The following GIGYF2 variants were observed in gnomAD, a reference collection of about 807,000 sequenced individuals.
GIGYF2 encodes GRB10 interacting GYF protein 2.
A neutral mutation model predicts 208.1 loss-of-function variants in GIGYF2; 25 were observed. The observed-to-expected ratio is 0.12, with a 90% CI of 0.09 to 0.17. GIGYF2 has a LOEUF of 0.17. GIGYF2 is among the 10% of genes least tolerant of loss of function. The pLI is 1.00. For missense variants in GIGYF2, 1,302 were observed against 1,579.4 expected, an observed-to-expected ratio of 0.82 and a Z score of 2.98; for synonymous variants, 534 against 543.8, an observed-to-expected ratio of 0.98 and a Z score of 0.25.
chr2:232,812,152 T>C (rs1389340262), intron 17 of GIGYF2, among the ~76,000 whole-genome samples: 2 of 152,226 alleles, frequency 1.3e-5, no homozygotes, highest in African/African-American at 2.4e-5. Flanking sequence ...ACAGTGGGTA[T>C]ATCCATCATT....
chr2:232,720,564 AATAT>A (rs61010365), intron 2 of GIGYF2, among the ~76,000 whole-genome samples: 1 of 114,966 alleles, frequency 8.7e-6, no homozygotes, highest in Non-Finnish European at 2.0e-5. Flanking sequence ...CCAACAGTGT[AATAT>A]ATATATATAT....
intron 8 of GIGYF2, among the ~76,000 whole-genome samples, chr2:232,783,767 A>G (rs553151602): frequency 6.6e-6 from 1 of 152,168 alleles, no homozygotes; most frequent in South Asian, 2.1e-4. Flanking sequence ...GCTCACCGCA[A>G]CCTCTGCCAC....
intron 1 of GIGYF2, among the ~76,000 whole-genome samples, chr2:232,699,116 GTTAATT>G (rs1695734624): frequency 6.6e-5 from 10 of 152,162 alleles, no homozygotes; most frequent in Admixed American, 6.5e-4. Flanking sequence ...TTGGGGAGGG[GTTAATT>G]TTAAGTGCCC....
intron 22 of GIGYF2, among the ~76,000 whole-genome samples, chr2:232,838,825 C>G (rs1701728501): frequency 6.6e-6 from 1 of 152,088 alleles, no homozygotes; most frequent in Non-Finnish European, 1.5e-5. Flanking sequence ...CTCCCCCACC[C>G]CAGGGCAGGT....
intron 16 of GIGYF2, 74 bp downstream of exon 16, chr2:232,809,885 A>C: frequency 2.3e-6 from 2 of 887,564 alleles, no homozygotes; most frequent in Non-Finnish European, 3.9e-6. Context: ...CTCAAGTCTC[A>C]CCTTTTACAG....
intron 8 of GIGYF2, among the ~76,000 whole-genome samples, chr2:232,784,086 A>G (rs571483154): frequency 6.6e-6 from 1 of 152,360 alleles, no homozygotes; most frequent in South Asian, 2.1e-4. Context: ...GAAATTCAGC[A>G]TCCCTGAAAT....
At chr2:232,827,481 A>G (rs116498689) in intron 21 of GIGYF2, among the ~76,000 whole-genome samples, 1,872 of 152,282 alleles carry the variant, frequency 0.012, 44 homozygotes, top group African/African-American at 0.042. Flanking sequence ...GGGTTGTTTT[A>G]TCAGTGTTTG....
intron 3 of GIGYF2, chr2:232,735,521 A>G (rs1688483590): frequency 2.9e-6 from 1 of 343,828 alleles, no homozygotes; most frequent in Non-Finnish European, 4.9e-6. Flanking sequence ...GTCGTTGTCT[A>G]GGTGCACATA....
intron 28 of GIGYF2, among the ~76,000 whole-genome samples, chr2:232,853,427 C>T (rs1690434470): frequency 1.3e-5 from 2 of 152,232 alleles, no homozygotes; most frequent in South Asian, 4.1e-4. Context: ...CAGGTGCGTG[C>T]CACCACGCCA....
In GIGYF2 at chr2:232,796,163, A is replaced by G. The variant is rs1174963389; in HGVS notation, c.1581A>G (p.Pro527=). ...QEHRAKGVSI[P]LMHEAMQKWY... ...ACAGAGCTAAAGGAGTGTCGATTCCATTGATGCATGAAGCAATGCAGAAGT... is the reference window on the plus strand; with the variant it reads ...ACAGAGCTAAAGGAGTGTCGATTCCGTTGATGCATGAAGCAATGCAGAAGT... The change falls in exon 14 of 29, where the codon CCA becomes CCG. Residue 527 remains proline, a synonymous_variant. Coordinates refer to ENST00000373563, the MANE Select transcript of GIGYF2 (RefSeq NM_001103146.3). The G allele has an allele frequency of 6.2e-7, 1 of 1,602,314 alleles. No homozygotes were observed. The highest frequency in any genetic ancestry group is 1.1e-5 in the South Asian group (1 of 90,880).
intron 8 of GIGYF2, chr2:232,764,347 T>C (rs1698863335): frequency 6.6e-6 from 1 of 152,274 alleles, no homozygotes; most frequent in South Asian, 2.1e-4. Context: ...TAAAGTGTCC[T>C]CAGTGAGTCA....
In GIGYF2 at chr2:232,845,818, C is replaced by T. The variant is rs773011114; in HGVS notation, c.3392C>T (p.Ala1131Val). 5 of 1,613,308 alleles carry T rather than the reference C, an allele frequency of 3.1e-6. No homozygotes were observed. Among genetic ancestry groups the T allele is most frequent in the Non-Finnish European group, 2.5e-6 (3 of 1,179,378 alleles). ...LLKLFQGVNK[A>V]QDGFTQWCEQ... ...AAGCTCTTTCAGGGAGTAAATAAAG[C>T]CCAAGATGGATTTACGCAGTGGTGT... is the stretch of plus-strand genomic sequence containing the variant. The change falls in exon 26 of 29, where the codon GCC becomes GTC. Residue 1131 changes from alanine (A) to valine (V), a missense_variant. Ala to Val is a moderately conservative substitution (Grantham distance 64, BLOSUM62 0). Coordinates refer to ENST00000373563, the MANE Select transcript of GIGYF2 (RefSeq NM_001103146.3).
Position 232,819,825 on chromosome 2 carries a change from A to G in GIGYF2, c.2371-2A>G. The G allele has an allele frequency of 2.0e-6, 2 of 1,012,508 alleles. No individual in the cohort carries two copies. The highest frequency in any genetic ancestry group is 2.5e-5 in the Admixed American group (1 of 40,364). 62.7% of individuals were successfully genotyped at this position (1,012,508 alleles called of 1,614,324 possible). On this transcript the variant is annotated splice_acceptor_variant, in intron 20 of 28. Transcript: ENST00000373563. LOFTEE classifies it high-confidence loss of function. ...CCCCCACCCTCCATCTTTTTTCCTT[A>G]GGAAGAGGCTCTGCGTCGCCAGCGG...
intron 14 of GIGYF2, among the ~76,000 whole-genome samples, chr2:232,805,416 C>G (rs1189234302): frequency 6.6e-6 from 1 of 152,076 alleles, no homozygotes; most frequent in Non-Finnish European, 1.5e-5. Context: ...CCTGCATCTT[C>G]TATGTGTATT....
chr2:232,805,656 G>C (rs1365857768), intron 14 of GIGYF2, among the ~76,000 whole-genome samples: 3 of 152,050 alleles, frequency 2.0e-5, no homozygotes, highest in African/African-American at 7.2e-5. Context: ...TGATATATGC[G>C]ATAAAAAGAA....
intron 2 of GIGYF2, among the ~76,000 whole-genome samples, chr2:232,734,145 T>C (rs1697630474): frequency 6.7e-6 from 1 of 148,218 alleles, no homozygotes; most frequent in Admixed American, 6.8e-5. Flanking sequence ...AGATGGAGTC[T>C]CACTATGTTG....
rs758223848 is a variant in GIGYF2 at position 232,761,354 on chromosome 2, T to C, written c.492-42T>C. ...GAGTGTCACAGATAGGAAATCTATA[T>C]CACTGTGAGACTTTGTTTGAAACTT... is the stretch of plus-strand genomic sequence containing the variant. On this transcript the variant is annotated intron_variant, in intron 7 of 28. Coordinates refer to ENST00000373563, the MANE Select transcript of GIGYF2 (RefSeq NM_001103146.3). 32 of 1,359,144 alleles carry C rather than the reference T, an allele frequency of 2.4e-5. No homozygotes were observed. In the South Asian group the frequency reaches 3.5e-4, roughly 15 times the overall value. 84.2% of individuals were successfully genotyped at this position (1,359,144 alleles called of 1,614,324 possible).
At chr2:232,801,736 A>G (rs1305095549) in intron 14 of GIGYF2, among the ~76,000 whole-genome samples, 1 of 152,216 alleles carries the variant, frequency 6.6e-6, no homozygotes, top group East Asian at 1.9e-4. Flanking sequence ...TTCAAGAAAG[A>G]AACATTGTTT....
intron 3 of GIGYF2, among the ~76,000 whole-genome samples, chr2:232,736,979 A>G (rs529738949): frequency 2.4e-4 from 36 of 152,232 alleles, no homozygotes; most frequent in Non-Finnish European, 4.7e-4. Flanking sequence ...CTTGATGCCT[A>G]ATATTATGGG....
Sources: gnomAD v4.1 joint callset for allele counts (sites outside exome capture counted in the v4.1 genomes callset) on GRCh38, gnomAD v4.1.1 for gene constraint, MANE v1.5 for transcripts, NCBI Gene and HGNC (gene_info 2026-07-23, HGNC 2026-07-21) for gene names.